Variants in PTPRD observed in about 807,000 individuals in gnomAD.
PTPRD encodes the protein receptor-type tyrosine-protein phosphatase delta.
Under a neutral mutation model 214.5 loss-of-function variants are expected in PTPRD, and 34 were observed. The observed-to-expected ratio is 0.16, with a 90% CI of 0.12 to 0.21. The LOEUF (loss-of-function observed/expected upper bound fraction) is 0.21. PTPRD is among the 10% of genes least tolerant of loss of function. PTPRD has a pLI of 1.00. For synonymous variants in PTPRD, 1,128 were observed against 845.7 expected, an observed-to-expected ratio of 1.33 and a Z score of -5.79; for missense variants, 2,545 against 2,398.7, an observed-to-expected ratio of 1.06 and a Z score of -1.27.
intron 3 of PTPRD, among the ~76,000 whole-genome samples, chr9:10,277,171 T>A (rs10959005): frequency 0.3 from 46,228 of 151,586 alleles, 7,155 homozygotes; most frequent in Middle Eastern, 0.33. Flanking sequence ...GATCTTTTGG[T>A]TTAGTAAAAA....
At chr9:10,227,397 G>C (rs2099592444) in intron 3 of PTPRD, among the ~76,000 whole-genome samples, 1 of 151,946 alleles carries the variant, frequency 6.6e-6, no homozygotes, top group Non-Finnish European at 1.5e-5. Flanking sequence ...GTGTTCTTCA[G>C]AGAAGCGTGG....
intron 9 of PTPRD, among the ~76,000 whole-genome samples, chr9:9,183,734 A>C (rs2099929641): frequency 6.6e-6 from 1 of 152,002 alleles, no homozygotes; most frequent in Non-Finnish European, 1.5e-5. Flanking sequence ...TACATAATAC[A>C]TTTCAGAATA....
At chr9:9,164,144 C>A (rs984952892) in intron 10 of PTPRD, among the ~76,000 whole-genome samples, 2 of 152,056 alleles carry the variant, frequency 1.3e-5, no homozygotes, top group South Asian at 4.1e-4. Context: ...ATTTATTATA[C>A]TTCTGGAGCT....
At chr9:10,084,932 TA>T (rs2098308088) in intron 3 of PTPRD, among the ~76,000 whole-genome samples, 1 of 151,838 alleles carries the variant, frequency 6.6e-6, no homozygotes, top group Non-Finnish European at 1.5e-5. Flanking sequence ...CTCTCGTAGA[TA>T]AAAACACACA....
At chr9:9,692,017 G>A (rs139049584) in intron 7 of PTPRD, among the ~76,000 whole-genome samples, 38 of 152,104 alleles carry the variant, frequency 2.5e-4, no homozygotes, top group African/African-American at 8.9e-4. Flanking sequence ...ATATACTCTG[G>A]TTATTAATCT....
intron 12 of PTPRD, among the ~76,000 whole-genome samples, chr9:8,646,506 T>A (rs770685147): frequency 1.3e-5 from 2 of 152,166 alleles, no homozygotes; most frequent in Non-Finnish European, 2.9e-5. Context: ...AATTCTCTCA[T>A]CTCGATGCCT....
intron 8 of PTPRD, among the ~76,000 whole-genome samples, chr9:9,566,151 A>G (rs1289925466): frequency 6.6e-6 from 1 of 151,950 alleles, no homozygotes; most frequent in East Asian, 1.9e-4. Context: ...AGTACTTATT[A>G]AAATTCTCAC....
chr9:9,029,283 G>T (rs1316099690), intron 10 of PTPRD, among the ~76,000 whole-genome samples: 1 of 151,830 alleles, frequency 6.6e-6, no homozygotes, highest in Non-Finnish European at 1.5e-5. Context: ...TTGAGTAACT[G>T]TTGGAAGGTT....
intron 8 of PTPRD, among the ~76,000 whole-genome samples, chr9:9,424,329 G>A (rs1182923931): frequency 6.6e-6 from 1 of 152,170 alleles, no homozygotes; most frequent in East Asian, 1.9e-4. Context: ...AGTTGGTGCT[G>A]GTAATGTTCG....
chr9:10,612,065 G>C (rs977792067), intron 2 of PTPRD, among the ~76,000 whole-genome samples: 1 of 151,882 alleles, frequency 6.6e-6, no homozygotes, highest in Non-Finnish European at 1.5e-5. Context: ...GCTTTTTCTA[G>C]ATAACCACCC....
At chr9:9,455,536 C>CTT (rs2092867839) in intron 8 of PTPRD, among the ~76,000 whole-genome samples, 1 of 151,556 alleles carries the variant, frequency 6.6e-6, no homozygotes, top group Non-Finnish European at 1.5e-5. Context: ...CTGGAGTTTA[C>CTT]TTTTACAAGG....
chr9:9,894,599 G>C (rs73643813), intron 5 of PTPRD, among the ~76,000 whole-genome samples: 3,735 of 151,890 alleles, frequency 0.025, 88 homozygotes, highest in Admixed American at 0.077. Flanking sequence ...TTTTCACTGA[G>C]TTCCTTAAAT....
intron 5 of PTPRD, among the ~76,000 whole-genome samples, chr9:9,923,912 A>C (rs1275164164): frequency 1.3e-5 from 2 of 152,048 alleles, no homozygotes; most frequent in Non-Finnish European, 2.9e-5. Context: ...CTTAGAGAGC[A>C]ACCAGTGAGA....
At chr9:9,773,511 G>C (rs1040811291) in intron 5 of PTPRD, among the ~76,000 whole-genome samples, 1 of 152,120 alleles carries the variant, frequency 6.6e-6, no homozygotes, top group Non-Finnish European at 1.5e-5. Context: ...TTCTCTAAGA[G>C]AGGTATTATA....
At chr9:8,649,382 T>C (rs2096759152) in intron 12 of PTPRD, among the ~76,000 whole-genome samples, 1 of 152,224 alleles carries the variant, frequency 6.6e-6, no homozygotes, top group African/African-American at 2.4e-5. Flanking sequence ...TCTTTTAAGA[T>C]AGATCCATCT....
At chr9:10,442,250 A>G (rs1418446932) in intron 2 of PTPRD, among the ~76,000 whole-genome samples, 1 of 151,676 alleles carries the variant, frequency 6.6e-6, no homozygotes, top group African/African-American at 2.4e-5. Flanking sequence ...ATTTCTTTCC[A>G]AAGTTATTAT....
intron 5 of PTPRD, among the ~76,000 whole-genome samples, chr9:9,925,376 T>A (rs1459515136): frequency 2.6e-5 from 4 of 152,122 alleles, no homozygotes; most frequent in African/African-American, 9.6e-5. Flanking sequence ...TAATATGTCA[T>A]CTCTAACAGG....
chr9:10,455,061 A>G (rs2098897986), intron 2 of PTPRD, among the ~76,000 whole-genome samples: 1 of 151,730 alleles, frequency 6.6e-6, no homozygotes, highest in African/African-American at 2.4e-5. Flanking sequence ...ACCATCTCTC[A>G]ACTAACCTGT....
intron 12 of PTPRD, among the ~76,000 whole-genome samples, chr9:8,649,640 T>C (rs2096765574): frequency 6.6e-6 from 1 of 152,238 alleles, no homozygotes; most frequent in African/African-American, 2.4e-5. Flanking sequence ...AAAACATTTT[T>C]ATAGATACAC....
Sources: gnomAD v4.1 joint callset for allele counts (sites outside exome capture counted in the v4.1 genomes callset) on GRCh38, gnomAD v4.1.1 for gene constraint, MANE v1.5 for transcripts, NCBI Gene and HGNC (gene_info 2026-07-23, HGNC 2026-07-21) for gene names.